CALCR: variants seen among roughly 807,000 people sequenced by gnomAD.
CALCR encodes the protein calcitonin receptor.
A neutral mutation model predicts 59.5 loss-of-function variants in CALCR; 47 were observed. That is an observed-to-expected ratio of 0.79 (90% CI 0.63 to 1.01). The LOEUF is 1.01. Among genes scored for constraint, CALCR ranks in the 50% least tolerant of loss-of-function variants. The pLI, the probability that CALCR is intolerant of heterozygous loss-of-function variation, is 0.00. For missense variants in CALCR, 566 were observed against 597.1 expected, an observed-to-expected ratio of 0.95 and a Z score of 0.54; for synonymous variants, 213 against 211.3, an observed-to-expected ratio of 1.01 and a Z score of -0.07.
intron 3 of CALCR, among the ~76,000 whole-genome samples, chr7:93,485,786 T>G (rs1800929968): frequency 6.6e-6 from 1 of 151,504 alleles, no homozygotes; most frequent in African/African-American, 2.4e-5. Flanking sequence ...TTACTGTAAT[T>G]TATCTAAAGA....
At chr7:93,472,603 TGTGA>T (rs1203078704) in intron 5 of CALCR, 116 bp from the exon 6 acceptor site, 7 of 650,464 alleles carry the variant, frequency 1.1e-5, no homozygotes, top group East Asian at 8.1e-5. Context: ...AGAACTTGAA[TGTGA>T]GTATGTCAGT....
chr7:93,551,634 C>T (rs1412585710), intron 2 of CALCR, among the ~76,000 whole-genome samples: 1 of 152,078 alleles, frequency 6.6e-6, no homozygotes, highest in Non-Finnish European at 1.5e-5. Context: ...GTCTACCATC[C>T]CCTGACCCTT....
At chr7:93,512,344 C>T (rs140360817) in intron 2 of CALCR, among the ~76,000 whole-genome samples, 1 of 152,214 alleles carries the variant, frequency 6.6e-6, no homozygotes, top group Non-Finnish European at 1.5e-5. Context: ...AAGAGACGTG[C>T]CCATGGTCTT....
At chr7:93,433,440 G>A (rs535631563) in intron 13 of CALCR, among the ~76,000 whole-genome samples, 1 of 152,324 alleles carries the variant, frequency 6.6e-6, no homozygotes, top group East Asian at 1.9e-4. Flanking sequence ...AGTTAATTGG[G>A]AGTTGGTCAG....
At chr7:93,573,835 A>T (rs1220922776) in intron 2 of CALCR, among the ~76,000 whole-genome samples, 1 of 152,252 alleles carries the variant, frequency 6.6e-6, no homozygotes, top group African/African-American at 2.4e-5. Flanking sequence ...CTTAACAAGC[A>T]ACTCCATTCA....
intron 6 of CALCR, 39 bp from the exon 7 acceptor site, chr7:93,468,845 A>T: frequency 3.4e-6 from 4 of 1,191,726 alleles, no homozygotes; most frequent in South Asian, 1.4e-5. Context: ...CAATGAATGA[A>T]TGATTCATCA....
intron 2 of CALCR, among the ~76,000 whole-genome samples, chr7:93,544,454 A>G (rs1398098609): frequency 6.6e-6 from 1 of 152,098 alleles, no homozygotes; most frequent in East Asian, 1.9e-4. Flanking sequence ...TTTTCTTTGC[A>G]TATTTTCATA....
At chr7:93,478,432 T>C (rs745325402) in intron 4 of CALCR, among the ~76,000 whole-genome samples, 1 of 151,754 alleles carries the variant, frequency 6.6e-6, no homozygotes, top group Non-Finnish European at 1.5e-5. Flanking sequence ...CCAGATGCAG[T>C]GTCTCACGCC....
At chr7:93,436,291 G>T in intron 11 of CALCR, 121 bp from the exon 12 acceptor site, 2 of 766,530 alleles carry the variant, frequency 2.6e-6, no homozygotes, top group Non-Finnish European at 4.3e-6. Flanking sequence ...GAACATGAGA[G>T]TCTACCTGAG....
rs922146922 is a variant in CALCR, at chr7:93,426,262, T to C, written c.*94A>G. 1 of 741,480 alleles carries C rather than the reference T, an allele frequency of 1.3e-6. No individual in the cohort carries two copies. The highest frequency in any genetic ancestry group is 1.7e-5 in the African/African-American group (1 of 57,898). The allele number at this position is 741,480 out of a possible 1,614,324, so 45.9% of individuals were successfully genotyped here. A position where few individuals can be genotyped will look rare whatever the true frequency, so the allele number is the denominator to read the frequency against. On this transcript the variant is annotated 3_prime_UTR_variant, in exon 14 of 14. Coordinates refer to ENST00000426151, the MANE Select transcript of CALCR (RefSeq NM_001742.4). ...GAATAATTCTTCACAAATGATATGT[T>C]CGGTTCCTGGGAGGATGGAGAATAC...
intron 3 of CALCR, among the ~76,000 whole-genome samples, chr7:93,483,087 C>T (rs1800836507): frequency 6.6e-6 from 1 of 151,616 alleles, no homozygotes; most frequent in Non-Finnish European, 1.5e-5. Context: ...TCTGAGGATG[C>T]TTAGGTACTT....
intron 7 of CALCR, chr7:93,462,040 A>G (rs908862749): frequency 2.2e-6 from 3 of 1,372,820 alleles, no homozygotes; most frequent in Admixed American, 4.4e-5. Context: ...GATGAAATAC[A>G]AAAATAGCCT....
intron 2 of CALCR, among the ~76,000 whole-genome samples, chr7:93,507,704 G>A (rs1399484040): frequency 1.4e-5 from 2 of 145,986 alleles, no homozygotes; most frequent in African/African-American, 5.1e-5. Context: ...TCAGGAGATC[G>A]AGACCATCCT....
At chr7:93,529,516 T>C (rs1407679419) in intron 2 of CALCR, among the ~76,000 whole-genome samples, 2 of 152,216 alleles carry the variant, frequency 1.3e-5, no homozygotes, top group South Asian at 2.1e-4. Flanking sequence ...TTTCATTTAA[T>C]TGCAAAGCAA....
intron 8 of CALCR, among the ~76,000 whole-genome samples, chr7:93,454,746 T>C (rs10282439): frequency 0.062 from 9,431 of 151,978 alleles, 920 homozygotes; most frequent in African/African-American, 0.21. Flanking sequence ...ATGAGTTATT[T>C]TGAGTTTAAC....
intron 3 of CALCR, among the ~76,000 whole-genome samples, chr7:93,486,097 A>G (rs1462494609): frequency 1.3e-5 from 2 of 151,586 alleles, no homozygotes; most frequent in African/African-American, 4.8e-5. Flanking sequence ...GGTCAGTATG[A>G]CAGTATGAGA....
intron 2 of CALCR, among the ~76,000 whole-genome samples, chr7:93,539,465 T>G (rs1789074201): frequency 6.6e-6 from 1 of 151,958 alleles, no homozygotes; most frequent in South Asian, 2.1e-4. Flanking sequence ...TAAATCATTG[T>G]TGGTTGATGA....
chr7:93,468,661 C>T (rs535159886), intron 7 of CALCR, 54 bp downstream of exon 7: 25 of 1,258,880 alleles, frequency 2.0e-5, no homozygotes, highest in African/African-American at 8.9e-5. Context: ...ATTCACCATT[C>T]GTTTCAGTAA....
chr7:93,499,434 C>T (rs1203680555), intron 2 of CALCR, among the ~76,000 whole-genome samples: 1 of 151,744 alleles, frequency 6.6e-6, no homozygotes, highest in East Asian at 1.9e-4. Flanking sequence ...TTTAAATTAG[C>T]TGTTATTTCT....
Sources: allele counts gnomAD v4.1 joint callset (sites outside exome capture counted in the v4.1 genomes callset), GRCh38; gene constraint gnomAD v4.1.1; transcripts MANE v1.5; gene names NCBI Gene and HGNC (gene_info 2026-07-23, HGNC 2026-07-21).